Variants in ZNF366 observed in about 807,000 individuals in gnomAD.
ZNF366 encodes dendritic cell-specific transcript protein.
A neutral mutation model predicts 47.2 loss-of-function variants in ZNF366; 20 were observed. The ratio of observed to expected loss-of-function variants is 0.42; its 90% CI spans 0.30 to 0.62. The LOEUF is 0.62. Among genes scored for constraint, ZNF366 ranks in the 20% least tolerant of loss-of-function variants. The probability of loss-of-function intolerance (pLI) is 0.16; values close to 1 mark genes in which losing one functional copy is unlikely to be tolerated. For synonymous variants in ZNF366, 421 were observed against 395.1 expected (o/e 1.07, Z -0.78); for missense variants, 987 against 976.3 (o/e 1.01, Z -0.15).
chr5:72,476,303 G>A (rs2909782), intron 1 of ZNF366, among the ~76,000 whole-genome samples: 4,838 of 152,160 alleles, frequency 0.032, 97 homozygotes, highest in Non-Finnish European at 0.045. Context: ...ATCACCTCAG[G>A]ATCTCTTGGG....
chr5:72,468,528 T>A (rs1743481642), intron 1 of ZNF366, among the ~76,000 whole-genome samples: 1 of 152,162 alleles, frequency 6.6e-6, no homozygotes, highest in South Asian at 2.1e-4. Flanking sequence ...AAAGTCAAGT[T>A]TAGTTGTGTA....
chr5:72,462,637 G>A (rs752594030), intron 1 of ZNF366, among the ~76,000 whole-genome samples: 11 of 148,018 alleles, frequency 7.4e-5, no homozygotes, highest in Non-Finnish European at 1.3e-4. Flanking sequence ...TGCAATATCC[G>A]CCTCCTGGGT....
rs187411983 is a variant in ZNF366 at position 72,464,643 on chromosome 5, G to A, written c.-14-3133C>T. On this transcript the variant is annotated intron_variant, in intron 1 of 4. Transcript: ENST00000318442. ...AGGTGCATACATTTTAATTTTTTAC[G>A]TATCTTAATGTCATAATATTAATTT... 3.2e-4 allele frequency among the ~76,000 whole-genome samples: 49 copies of A among 152,132 alleles called. No individual in the cohort carries two copies. The East Asian group carries it at 3.9e-3, about 12-fold the overall frequency.
At chr5:72,460,104 T>A in intron 2 of ZNF366, 61 bp downstream of exon 2, 1 of 1,566,120 alleles carries the variant, frequency 6.4e-7, no homozygotes, top group South Asian at 1.2e-5. Flanking sequence ...CCCAGTGCTC[T>A]GCTCAGGGCC....
intron 1 of ZNF366, among the ~76,000 whole-genome samples, chr5:72,484,519 C>A (rs1462968203): frequency 1.3e-5 from 2 of 150,214 alleles, no homozygotes; most frequent in African/African-American, 4.9e-5. Context: ...ATAATAATTT[C>A]ATTAATCATT....
At chr5:72,451,523 A>G (rs1339393428) in intron 3 of ZNF366, among the ~76,000 whole-genome samples, 2 of 152,232 alleles carry the variant, frequency 1.3e-5, no homozygotes, top group African/African-American at 4.8e-5. Flanking sequence ...GTGAGGATCA[A>G]GTGAGATAAT....
intron 1 of ZNF366, among the ~76,000 whole-genome samples, chr5:72,497,359 T>C (rs11741017): frequency 0.16 from 25,016 of 152,066 alleles, 2,489 homozygotes; most frequent in East Asian, 0.38. Flanking sequence ...TCTTTTGTTA[T>C]GGATATGGAA....
At chr5:72,492,240 C>T (rs907011472) in intron 1 of ZNF366, among the ~76,000 whole-genome samples, 11 of 152,138 alleles carry the variant, frequency 7.2e-5, no homozygotes, top group Admixed American at 7.2e-4. Context: ...GTATTAATGT[C>T]CCTTATTGTA....
chr5:72,453,106 G>A (rs1485625912), intron 3 of ZNF366, among the ~76,000 whole-genome samples: 1 of 152,206 alleles, frequency 6.6e-6, no homozygotes, highest in South Asian at 2.1e-4. Context: ...ATCCCACAGT[G>A]AGTGAACATT....
At chr5:72,447,494 C>T (rs954899614) in intron 3 of ZNF366, 77 bp from the exon 4 acceptor site, 7 of 1,532,724 alleles carry the variant, frequency 4.6e-6, no homozygotes, top group Middle Eastern at 2.2e-4. Flanking sequence ...GCACAGATAC[C>T]GTTTCTACTT....
chr5:72,470,929 G>A (rs1157421385), intron 1 of ZNF366, among the ~76,000 whole-genome samples: 1 of 152,214 alleles, frequency 6.6e-6, no homozygotes, highest in Non-Finnish European at 1.5e-5. Flanking sequence ...ATGAAAGATA[G>A]AATGTCCTGT....
chr5:72,507,307 C>G lies in ZNF366; in HGVS notation c.-71G>C, dbSNP rs1285121917. ...CCCACTCCTTTACCTGATCCCTGCT[C>G]TCTCTGTCTCTCTCCCTCTCTCTCT... is the stretch of plus-strand genomic sequence containing the variant. On this transcript the variant is annotated 5_prime_UTR_variant, in exon 1 of 5. Coordinates refer to ENST00000318442, the MANE Select transcript of ZNF366 (RefSeq NM_152625.3). The G allele has an allele frequency of 1.0e-6, 1 of 985,406 alleles. No homozygotes were observed. The highest frequency in any genetic ancestry group is 1.2e-6 in the Non-Finnish European group (1 of 830,034). The allele number at this position is 985,406 out of a possible 1,614,324, so 61.0% of individuals were successfully genotyped here.
At chr5:72,463,159 T>A (rs1743361985) in intron 1 of ZNF366, among the ~76,000 whole-genome samples, 1 of 152,220 alleles carries the variant, frequency 6.6e-6, no homozygotes, top group African/African-American at 2.4e-5. Context: ...TTTCAGTGAT[T>A]TTCTATGGTC....
chr5:72,449,494 C>T (rs536034760), intron 3 of ZNF366, among the ~76,000 whole-genome samples: 4 of 152,224 alleles, frequency 2.6e-5, no homozygotes, highest in Non-Finnish European at 5.9e-5. Flanking sequence ...GCCTCAGCCT[C>T]CCAAAGTGCT....
chr5:72,505,452 A>G (rs1744302386), intron 1 of ZNF366, among the ~76,000 whole-genome samples: 2 of 152,226 alleles, frequency 1.3e-5, no homozygotes, highest in South Asian at 4.1e-4. Flanking sequence ...ATCTCAAGCC[A>G]TAGTCATGCT....
At position 72,443,695 on chromosome 5, in the gene ZNF366, A is replaced by G; in HGVS notation, c.*61T>C. 1 of 1,519,484 alleles carries G rather than the reference A, an allele frequency of 6.6e-7. No individual in the cohort carries two copies. Among genetic ancestry groups the G allele is most frequent in the Non-Finnish European group, 8.9e-7 (1 of 1,126,800 alleles). The allele number at this position is 1,519,484 out of a possible 1,614,324, so 94.1% of individuals were successfully genotyped here. On this transcript the variant is annotated 3_prime_UTR_variant, in exon 5 of 5. Coordinates refer to ENST00000318442, the MANE Select transcript of ZNF366 (RefSeq NM_152625.3). ...GTCTCCAGAAAATGACAGTTCATGCAGAAAGCTATATTTGAACTGCCTCCT... is the reference window on the plus strand; with the variant it reads ...GTCTCCAGAAAATGACAGTTCATGCGGAAAGCTATATTTGAACTGCCTCCT...
At position 72,460,415 on chromosome 5, in the gene ZNF366, C is replaced by G. The variant is rs138915855; in HGVS notation, c.1082G>C (p.Ser361Thr). The G allele has an allele frequency of 6.2e-7, 1 of 1,614,246 alleles. No homozygotes were observed. The highest frequency in any genetic ancestry group is 8.5e-7 in the Non-Finnish European group (1 of 1,180,044). ...ELKAHEAKHASGRENICVECG... is the reference protein window; with the variant it reads ...ELKAHEAKHATGRENICVECG... The stretch of plus-strand genomic sequence containing the variant: ...CTCCACACAGATGTTCTCGCGCCCA[C>G]TGGCGTGCTTGGCTTCGTGGGCCTT... Residue 361 changes from serine (S) to threonine (T), a missense_variant, in exon 2 of 5, where the codon AGT (serine) becomes ACT (threonine). Ser to Thr is a moderately conservative substitution (Grantham distance 58). This residue lies in a region of ZNF366 where 591 missense variants were observed against 560.9 expected (regional missense o/e 1.05). Transcript: ENST00000318442.
At chr5:72,488,003 C>T (rs767238839) in intron 1 of ZNF366, among the ~76,000 whole-genome samples, 11 of 151,960 alleles carry the variant, frequency 7.2e-5, no homozygotes, top group East Asian at 1.9e-4. Context: ...GTCAGGAGTT[C>T]GAGACCAGCC....
rs536179424 is a variant in ZNF366 at position 72,440,048 on chromosome 5, C to A, written c.*3708G>T. 115 of 152,316 alleles carry A rather than the reference C, an allele frequency of 7.6e-4. No individual in the cohort carries two copies. Among genetic ancestry groups the A allele is most frequent in the African/African-American group, 2.6e-3 (109 of 41,562 alleles). The allele number at this position is 152,316 out of a possible 1,614,324, so 9.4% of individuals were successfully genotyped here. On this transcript the variant is annotated 3_prime_UTR_variant, in exon 5 of 5. Coordinates refer to ENST00000318442, the MANE Select transcript of ZNF366 (RefSeq NM_152625.3). ...AGAGTTTTAGTTTTTAAATAGCAAG[C>A]CAGAGTTCTGTACAAAATCAACATT...
Sources: allele counts gnomAD v4.1 joint callset (sites outside exome capture counted in the v4.1 genomes callset), GRCh38; gene constraint gnomAD v4.1.1; regional missense constraint gnomAD v4.1.1; transcripts MANE v1.5; gene names NCBI Gene and HGNC (gene_info 2026-07-23, HGNC 2026-07-21).